The following ARMC9 variants were observed in gnomAD, a reference collection of about 807,000 sequenced individuals.
The protein encoded by ARMC9 is lisH domain-containing protein ARMC9.
Under a neutral mutation model 107.0 loss-of-function variants are expected in ARMC9, and 94 were observed. The ratio of observed to expected loss-of-function variants is 0.88; its 90% CI spans 0.74 to 1.04. The LOEUF is 1.04. ARMC9 is among the 50% of genes least tolerant of loss of function. ARMC9 has a pLI of 0.00. For missense variants in ARMC9, 942 were observed against 1,030.1 expected (o/e 0.91, Z 1.17); for synonymous variants, 380 against 396.9 (o/e 0.96, Z 0.51).
At chr2:231,288,580 AAGTT>A (rs747989148) in intron 17 of ARMC9, 29 of 469,828 alleles carry the variant, frequency 6.2e-5, no homozygotes, top group Non-Finnish European at 1.1e-4. Context: ...AGTGAGTTCG[AAGTT>A]AGTTGTTCTG....
intron 9 of ARMC9, among the ~76,000 whole-genome samples, chr2:231,247,058 C>T (rs1196960894): frequency 6.6e-6 from 1 of 152,024 alleles, no homozygotes; most frequent in African/African-American, 2.4e-5. Flanking sequence ...CGGGTTCATG[C>T]CATTCTCCTG....
chr2:231,218,562 C>T (rs1473065908), intron 5 of ARMC9, among the ~76,000 whole-genome samples: 2 of 152,120 alleles, frequency 1.3e-5, no homozygotes, highest in Non-Finnish European at 2.9e-5. Context: ...GCAGAGGCTG[C>T]AGCTGGCAGC....
chr2:231,267,271 C>A (rs1383057408), intron 12 of ARMC9, among the ~76,000 whole-genome samples: 9 of 152,162 alleles, frequency 5.9e-5, no homozygotes, highest in Admixed American at 5.9e-4. Context: ...CGCTCTGTCA[C>A]CCAGGCTGGG....
chr2:231,330,649 G>A (rs1053104015), intron 19 of ARMC9, among the ~76,000 whole-genome samples: 6 of 152,222 alleles, frequency 3.9e-5, no homozygotes, highest in East Asian at 1.9e-4. Context: ...GTGTTGGGGT[G>A]TGCGGCCCAG....
chr2:231,206,248 A>G lies in ARMC9; in HGVS notation c.10A>G (p.Ile4Val), dbSNP rs61753914. Residue 4 changes from isoleucine to valine, a missense_variant, in exon 2 of 25, where the codon ATT becomes GTT. Ile to Val is a conservative substitution (Grantham distance 29, BLOSUM62 3). Coordinates refer to ENST00000611582, the MANE Select transcript of ARMC9 (RefSeq NM_001352754.2). MGD[I>V]LAHESELLGL... ...CCAGTAACAGTTCAATATGGGGGAC[A>G]TTCTGGCTCATGAATCTGAATTACT... The G allele has an allele frequency of 7.7e-4, 1,248 of 1,613,860 alleles. 14 individuals are homozygous for G. In the African/African-American group the frequency reaches 0.015, roughly 20 times the overall value.
At chr2:231,338,136 T>TTGTAATTC (rs1366363669) in intron 20 of ARMC9, among the ~76,000 whole-genome samples, 11 of 152,258 alleles carry the variant, frequency 7.2e-5, no homozygotes, top group African/African-American at 2.6e-4. Context: ...GGAGGCGTCC[T>TTGTAATTC]CTAAAATAAT....
At chr2:231,315,415 T>A (rs1459903752) in intron 19 of ARMC9, among the ~76,000 whole-genome samples, 4 of 152,014 alleles carry the variant, frequency 2.6e-5, no homozygotes, top group Non-Finnish European at 5.9e-5. Context: ...GGCGCACACC[T>A]GTAGTCCCAG....
At chr2:231,308,819 T>C (rs1559440387) in intron 19 of ARMC9, among the ~76,000 whole-genome samples, 1 of 152,234 alleles carries the variant, frequency 6.6e-6, no homozygotes, top group African/African-American at 2.4e-5. Flanking sequence ...GTGGACCCAC[T>C]TGAAGCTGCT....
chr2:231,236,762 G>C (rs1180774931), intron 8 of ARMC9, among the ~76,000 whole-genome samples: 1 of 152,050 alleles, frequency 6.6e-6, no homozygotes, highest in African/African-American at 2.4e-5. Context: ...CGGCCAACAT[G>C]GCGAAACCCC....
At chr2:231,254,414 C>T (rs1161632905) in intron 9 of ARMC9, among the ~76,000 whole-genome samples, 2 of 152,004 alleles carry the variant, frequency 1.3e-5, no homozygotes, top group East Asian at 1.9e-4. Flanking sequence ...GTACTGATAA[C>T]GAAAAAGGAA....
intron 20 of ARMC9, among the ~76,000 whole-genome samples, chr2:231,337,788 A>G (rs964792382): frequency 1.3e-5 from 2 of 152,176 alleles, no homozygotes; most frequent in African/African-American, 4.8e-5. Context: ...CCAAACCCCA[A>G]AATATCTTGA....
chr2:231,347,336 T>C (rs2044856059), intron 21 of ARMC9, among the ~76,000 whole-genome samples: 1 of 152,190 alleles, frequency 6.6e-6, no homozygotes, highest in Admixed American at 6.5e-5. Flanking sequence ...GGTGTTCTCA[T>C]TGCTGGGGTT....
At chr2:231,208,480 A>C (rs1305127654) in intron 3 of ARMC9, among the ~76,000 whole-genome samples, 1 of 152,238 alleles carries the variant, frequency 6.6e-6, no homozygotes, top group Non-Finnish European at 1.5e-5. Flanking sequence ...CTTGGGAAGA[A>C]GGAAAAGAAG....
At chr2:231,285,154 T>C (rs565207757) in intron 17 of ARMC9, among the ~76,000 whole-genome samples, 3 of 151,852 alleles carry the variant, frequency 2.0e-5, no homozygotes, top group Non-Finnish European at 4.4e-5. Flanking sequence ...GCCAAGATCA[T>C]GCCATTGCAC....
intron 12 of ARMC9, among the ~76,000 whole-genome samples, chr2:231,268,410 A>G (rs2125426220): frequency 6.6e-6 from 1 of 152,294 alleles, no homozygotes; most frequent in Admixed American, 6.5e-5. Context: ...AGCCTTTGAC[A>G]TGTTGCCCTC....
chr2:231,271,731 T>C (rs1019784030), intron 13 of ARMC9, among the ~76,000 whole-genome samples: 1 of 152,242 alleles, frequency 6.6e-6, no homozygotes, highest in African/African-American at 2.4e-5. Flanking sequence ...GATGTGTTAC[T>C]GAGGACCATT....
chr2:231,304,495 C>A (rs1433688525), intron 19 of ARMC9, among the ~76,000 whole-genome samples: 1 of 152,202 alleles, frequency 6.6e-6, no homozygotes, highest in East Asian at 1.9e-4. Context: ...CTCCTGGGTT[C>A]AAGTGGTTCT....
At chr2:231,266,604 C>T (rs1458787325) in intron 12 of ARMC9, among the ~76,000 whole-genome samples, 2 of 152,146 alleles carry the variant, frequency 1.3e-5, no homozygotes, top group African/African-American at 2.4e-5. Context: ...CAATAATTCT[C>T]CATTTCCCCC....
chr2:231,257,255 T>C lies in ARMC9; in HGVS notation c.914+635T>C, dbSNP rs142177170. On this transcript the variant is annotated intron_variant, in intron 10 of 24. Coordinates refer to ENST00000611582, the MANE Select transcript of ARMC9 (RefSeq NM_001352754.2). The stretch of plus-strand genomic sequence containing the variant: ...CACAGAGTGTTGCACTGTCTGAATT[T>C]ATGTTGTCTGCTGGTTCACACTGTG... Among the ~76,000 whole-genome samples the C allele has an allele frequency of 6.9e-4, 105 of 152,382 alleles. 1 individual carries two copies. Among genetic ancestry groups the C allele is most frequent in the Middle Eastern group, 3.4e-3 (1 of 294 alleles).
Sources: allele counts gnomAD v4.1 joint callset (sites outside exome capture counted in the v4.1 genomes callset), GRCh38; gene constraint gnomAD v4.1.1; transcripts MANE v1.5; gene names NCBI Gene and HGNC (gene_info 2026-07-23, HGNC 2026-07-21).